The following SPPL2A variants were observed in gnomAD, a reference collection of about 807,000 sequenced individuals.
SPPL2A encodes the protein signal peptide peptidase like 2A, also known as signal peptide peptidase-like 2A.
A neutral mutation model predicts 63.8 loss-of-function variants in SPPL2A; 51 were observed. The observed-to-expected ratio is 0.80, with a 90% CI of 0.64 to 1.01. The LOEUF (loss-of-function observed/expected upper bound fraction) is 1.01. Ranked by LOEUF, SPPL2A falls within the 50% of genes least tolerant of loss-of-function variation. The probability of loss-of-function intolerance (pLI) is 0.00; values close to 1 mark genes in which losing one functional copy is unlikely to be tolerated. For synonymous variants in SPPL2A, 188 were observed against 205.8 expected (o/e 0.91, Z 0.74); for missense variants, 553 against 622.7 (o/e 0.89, Z 1.19).
Position 50,740,761 on chromosome 15 carries a change from CG to C in SPPL2A, c.585-934del, listed in dbSNP as rs2062813708. 2.0e-5 allele frequency among the ~76,000 whole-genome samples: 3 copies of C among 152,042 alleles called. No individual in the cohort carries two copies. In the South Asian group the frequency reaches 6.2e-4, roughly 32 times the overall value. On this transcript the variant is annotated intron_variant, in intron 5 of 14. Coordinates refer to ENST00000261854, the MANE Select transcript of SPPL2A (RefSeq NM_032802.4). Reference sequence around the variant, plus strand: ...AAGTAGCTGGGACTACAGGCACATGCGGTTAGGCCCGGCTAATTTTTTGTAT... The same window carrying C: ...AAGTAGCTGGGACTACAGGCACATGCGTTAGGCCCGGCTAATTTTTTGTAT...
intron 5 of SPPL2A, among the ~76,000 whole-genome samples, chr15:50,746,482 T>C (rs1596393347): frequency 6.7e-6 from 1 of 149,838 alleles, no homozygotes; most frequent in African/African-American, 2.4e-5. Context: ...AAAACATTTA[T>C]GTTTATTTTG....
chr15:50,711,174 T>TAATTTAC (rs746320411), intron 14 of SPPL2A, among the ~76,000 whole-genome samples: 2 of 151,492 alleles, frequency 1.3e-5, no homozygotes, highest in Non-Finnish European at 2.9e-5. Flanking sequence ...CTGTAGAAAA[T>TAATTTAC]AATTTACAAT....
rs570766349 is a variant in SPPL2A at position 50,706,653 on chromosome 15, G to A, written c.*1147C>T. 1.3e-5 allele frequency: 2 copies of A among 152,084 alleles called. No homozygotes were observed. The highest frequency in any genetic ancestry group is 3.9e-4 in the East Asian group (2 of 5,178). The allele number at this position is 152,084 out of a possible 1,614,324, so 9.4% of individuals were successfully genotyped here. ...AATGTGGGATAATGTTAGGAATGCT[G>A]TATTCAACGATGAGCCATATGTATT... is the stretch of plus-strand genomic sequence containing the variant. On this transcript the variant is annotated 3_prime_UTR_variant, in exon 15 of 15. Transcript: ENST00000261854.
chr15:50,750,928 G>A (rs2062901012), intron 1 of SPPL2A, among the ~76,000 whole-genome samples: 1 of 152,174 alleles, frequency 6.6e-6, no homozygotes. Context: ...TGAATCACAT[G>A]ACATTGCTGA....
chr15:50,736,406 T>C lies in SPPL2A; in HGVS notation c.831-204A>G, dbSNP rs8026857. Among the ~76,000 whole-genome samples, 14,380 of 152,232 alleles carry C rather than the reference T, an allele frequency of 0.094. 2,308 individuals carry two copies. Among genetic ancestry groups the C allele is most frequent in the African/African-American group, 0.33 (13,764 of 41,494 alleles). ...CTGTGATGATGAATAATGTACTATA[T>C]CTGTGCTGTCCAATATAGTAGCTAC... On this transcript the variant is annotated intron_variant, in intron 7 of 14. Coordinates refer to ENST00000261854, the MANE Select transcript of SPPL2A (RefSeq NM_032802.4).
intron 14 of SPPL2A, among the ~76,000 whole-genome samples, chr15:50,715,430 G>A (rs2062592969): frequency 6.6e-6 from 1 of 152,140 alleles, no homozygotes; most frequent in African/African-American, 2.4e-5. Flanking sequence ...GAGGAAAGGT[G>A]CTAGAATCAA....
chr15:50,764,239 AC>A (rs1309134566), intron 1 of SPPL2A, among the ~76,000 whole-genome samples: 1 of 152,252 alleles, frequency 6.6e-6, no homozygotes, highest in Non-Finnish European at 1.5e-5. Context: ...AGTTTTGCAT[AC>A]ATCTACATAC....
chr15:50,735,067 G>A (rs899760865), intron 8 of SPPL2A, among the ~76,000 whole-genome samples: 2 of 152,032 alleles, frequency 1.3e-5, no homozygotes, highest in African/African-American at 2.4e-5. Context: ...ACCATGCCCG[G>A]CTAATTCTGT....
chr15:50,739,609 A>C, intron 6 of SPPL2A, 71 bp downstream of exon 6: 11 of 1,138,414 alleles, frequency 9.7e-6, no homozygotes, highest in Non-Finnish European at 1.3e-5. Flanking sequence ...TTAAAGGAAA[A>C]GATAAATCTA....
intron 14 of SPPL2A, among the ~76,000 whole-genome samples, chr15:50,719,102 T>C (rs1249661384): frequency 6.6e-6 from 1 of 152,222 alleles, no homozygotes; most frequent in African/African-American, 2.4e-5. Context: ...GCTTTAACTT[T>C]AATGAAGAAA....
At position 50,765,562 on chromosome 15, in the gene SPPL2A, A is replaced by G; in HGVS notation, c.-29T>C. ...ACTGGTGGGTGCCGGGTGGGACGGC[A>G]CGGTGCGGCGCAGCTCACTCGGCGG... On this transcript the variant is annotated 5_prime_UTR_variant, in exon 1 of 15. Coordinates refer to ENST00000261854, the MANE Select transcript of SPPL2A (RefSeq NM_032802.4). 6.9e-7 allele frequency: 1 copy of G among 1,451,240 alleles called. No individual in the cohort carries two copies. The highest frequency in any genetic ancestry group is 1.5e-5 in the African/African-American group (1 of 67,478). 89.9% of individuals were successfully genotyped at this position (1,451,240 alleles called of 1,614,324 possible).
intron 1 of SPPL2A, among the ~76,000 whole-genome samples, chr15:50,755,648 A>G (rs2062951487): frequency 6.7e-6 from 1 of 149,102 alleles, no homozygotes. Context: ...AAAAAAAAAA[A>G]AAAAAAAAGA....
At chr15:50,719,779 G>T (rs1486192458) in intron 14 of SPPL2A, among the ~76,000 whole-genome samples, 161 bp downstream of exon 14, 1 of 151,826 alleles carries the variant, frequency 6.6e-6, no homozygotes, top group African/African-American at 2.4e-5. Flanking sequence ...AGATTGCAGG[G>T]GAGGTCACAA....
intron 1 of SPPL2A, among the ~76,000 whole-genome samples, chr15:50,757,981 C>A (rs1470162223): frequency 7.5e-6 from 1 of 132,638 alleles, no homozygotes; most frequent in Non-Finnish European, 1.6e-5. Context: ...GAGACTCCGT[C>A]TCAATTATAA....
At position 50,730,920 on chromosome 15, in the gene SPPL2A, AT is replaced by A. The variant is rs1055530095; in HGVS notation, c.1089+44del. ...ATCTAGGAGCAGATTTAAGATGATCATTTTTTAGCATGTTTCTTCACCCATT... is the reference window on the plus strand; with the variant it reads ...ATCTAGGAGCAGATTTAAGATGATCATTTTTAGCATGTTTCTTCACCCATT... On this transcript the variant is annotated intron_variant, in intron 10 of 14. Transcript: ENST00000261854. 1.0e-5 allele frequency: 8 copies of A among 796,072 alleles called. No homozygotes were observed. The African/African-American group carries it at 1.4e-4, about 13-fold the overall frequency. The allele number at this position is 796,072 out of a possible 1,614,324, so 49.3% of individuals were successfully genotyped here.
At chr15:50,747,410 AT>A in intron 5 of SPPL2A, 84 bp downstream of exon 5, 1 of 1,201,646 alleles carries the variant, frequency 8.3e-7, no homozygotes, top group Non-Finnish European at 1.2e-6. Context: ...GGGCAGATAA[AT>A]TTTTAAATGT....
intron 12 of SPPL2A, among the ~76,000 whole-genome samples, chr15:50,724,990 C>T (rs1187637304): frequency 6.6e-6 from 1 of 152,138 alleles, no homozygotes; most frequent in East Asian, 1.9e-4. Context: ...ATCCTAGTTG[C>T]TTTCTCTAAC....
chr15:50,758,298 A>G (rs1411834384), intron 1 of SPPL2A, among the ~76,000 whole-genome samples: 1 of 151,054 alleles, frequency 6.6e-6, no homozygotes, highest in African/African-American at 2.4e-5. Context: ...CAAAAAAAAA[A>G]AAAGAACAAT....
At position 50,752,995 on chromosome 15, in the gene SPPL2A, T is replaced by A. The variant is rs2062923220; in HGVS notation, c.67-3249A>T. 2.6e-5 allele frequency among the ~76,000 whole-genome samples: 4 copies of A among 152,102 alleles called. No individual in the cohort carries two copies. In the South Asian group the frequency reaches 8.3e-4, roughly 32 times the overall value. On this transcript the variant is annotated intron_variant, in intron 1 of 14. Coordinates refer to ENST00000261854, the MANE Select transcript of SPPL2A (RefSeq NM_032802.4). ...GAATCTTGTGATTCATATCTACAGA[T>A]ATAGTATGCAAAAGCACAAAAATAA...
Sources: gnomAD v4.1 joint callset for allele counts (sites outside exome capture counted in the v4.1 genomes callset) on GRCh38, gnomAD v4.1.1 for gene constraint, MANE v1.5 for transcripts, NCBI Gene and HGNC (gene_info 2026-07-23, HGNC 2026-07-21) for gene names.